SLIT3: variants seen among roughly 807,000 people sequenced by gnomAD.
SLIT3 encodes the protein slit guidance ligand 3, also known as slit homolog 3 protein.
In SLIT3, 68 loss-of-function variants were observed where a neutral mutation model predicts 184.0. That is an observed-to-expected ratio of 0.37 (90% confidence interval 0.30 to 0.45). The LOEUF (loss-of-function observed/expected upper bound fraction) is 0.45. Among genes scored for constraint, SLIT3 ranks in the 20% least tolerant of loss-of-function variants. The pLI is 1.00. For missense variants in SLIT3, 1,707 were observed against 2,026.0 expected (o/e 0.84, Z 3.02); for synonymous variants, 831 against 828.6 (o/e 1.00, Z -0.05).
intron 1 of SLIT3, among the ~76,000 whole-genome samples, chr5:169,278,305 A>T (rs906124067): frequency 2.6e-5 from 4 of 152,212 alleles, no homozygotes; most frequent in Non-Finnish European, 5.9e-5. Context: ...TAGAATCAGG[A>T]AGCCCACTTG....
intron 3 of SLIT3, among the ~76,000 whole-genome samples, chr5:169,222,336 T>C (rs1186496268): frequency 6.6e-6 from 1 of 152,176 alleles, no homozygotes; most frequent in Non-Finnish European, 1.5e-5. Flanking sequence ...GAAAATACTA[T>C]GCTGGCTACA....
chr5:169,257,634 C>T (rs1766017293), intron 1 of SLIT3, among the ~76,000 whole-genome samples: 1 of 144,148 alleles, frequency 6.9e-6, no homozygotes, highest in Non-Finnish European at 1.5e-5. Context: ...GCAACCTCCG[C>T]TTCCTGGGTT....
At chr5:168,706,806 G>A (rs1237000536) in intron 26 of SLIT3, 1 of 152,160 alleles carries the variant, frequency 6.6e-6, no homozygotes, top group Non-Finnish European at 1.5e-5. Flanking sequence ...AATACATCAG[G>A]TAGTCCCATT....
At chr5:168,804,247 T>C (rs1297476203) in intron 9 of SLIT3, among the ~76,000 whole-genome samples, 1 of 134,050 alleles carries the variant, frequency 7.5e-6, no homozygotes, top group African/African-American at 2.9e-5. Flanking sequence ...GAGGCAGAGG[T>C]TGCAGTGAGC....
At chr5:168,964,067 C>T (rs1680802646) in intron 4 of SLIT3, among the ~76,000 whole-genome samples, 1 of 152,126 alleles carries the variant, frequency 6.6e-6, no homozygotes, top group Non-Finnish European at 1.5e-5. Flanking sequence ...ATGCAGGGGG[C>T]TACATAAAAG....
intron 7 of SLIT3, among the ~76,000 whole-genome samples, chr5:168,822,584 G>C (rs1192437103): frequency 6.6e-6 from 1 of 152,084 alleles, no homozygotes; most frequent in Non-Finnish European, 1.5e-5. Flanking sequence ...GAGCAGAGGG[G>C]AACTCCCCAG....
chr5:169,045,134 T>C (rs1387767946), intron 4 of SLIT3, among the ~76,000 whole-genome samples: 2 of 152,144 alleles, frequency 1.3e-5, no homozygotes, highest in Non-Finnish European at 2.9e-5. Flanking sequence ...TTCAGACCAC[T>C]TGTGACAGCA....
chr5:168,836,141 A>T (rs949354742), intron 6 of SLIT3, among the ~76,000 whole-genome samples: 1 of 152,162 alleles, frequency 6.6e-6, no homozygotes, highest in African/African-American at 2.4e-5. Flanking sequence ...TTGACTTTCA[A>T]GACTCAGGTC....
rs192576514 is a variant in SLIT3 at position 168,815,252 on chromosome 5, T to C, written c.793+2048A>G. On this transcript the variant is annotated intron_variant, in intron 8 of 35. Transcript: ENST00000519560. Reference sequence around the variant, plus strand: ...AAGGAGAAAGAGTGAGGCATTCAGATTTAATGGACTTTGGAGGGTCAGCCT... The same window carrying C: ...AAGGAGAAAGAGTGAGGCATTCAGACTTAATGGACTTTGGAGGGTCAGCCT... 3.1e-3 allele frequency among the ~76,000 whole-genome samples: 477 copies of C among 152,290 alleles called. 4 individuals carry two copies. The highest frequency in any genetic ancestry group is 9.9e-3 in the African/African-American group (413 of 41,550).
intron 4 of SLIT3, among the ~76,000 whole-genome samples, chr5:169,171,187 T>G (rs1762806725): frequency 6.6e-6 from 1 of 152,194 alleles, no homozygotes; most frequent in Admixed American, 6.5e-5. Context: ...TCTTGAGGGT[T>G]AGATAACATA....
intron 4 of SLIT3, among the ~76,000 whole-genome samples, chr5:169,052,066 C>G (rs187192389): frequency 6.0e-5 from 9 of 150,494 alleles, no homozygotes; most frequent in African/African-American, 1.7e-4. Context: ...AAGATGCCCC[C>G]CTCCAGCCAG....
intron 33 of SLIT3, among the ~76,000 whole-genome samples, chr5:168,672,028 C>T (rs1167784857): frequency 6.6e-6 from 1 of 152,220 alleles, no homozygotes; most frequent in Non-Finnish European, 1.5e-5. Flanking sequence ...CCCCTCTTCT[C>T]AGGATCTTCA....
At position 168,774,255 on chromosome 5, in the gene SLIT3, A is replaced by C; in HGVS notation, c.1275T>G (p.Pro425=). Residue 425 remains proline, a synonymous_variant, in exon 13 of 36, where the codon CCT becomes CCG. Coordinates refer to ENST00000519560, the MANE Select transcript of SLIT3 (RefSeq NM_003062.4). ...CTCACAGTGTCTGGATGGACTGCAG[A>C]GGGGCGAAGAGCCCCTTGCTGATGG... is the stretch of plus-strand genomic sequence containing the variant. The part of the protein sequence containing the change: ...LQTISKGLFA[P]LQSIQTLHLA... 1.9e-6 allele frequency: 3 copies of C among 1,613,148 alleles called. No individual in the cohort carries two copies. Among genetic ancestry groups the C allele is most frequent in the Non-Finnish European group, 2.5e-6 (3 of 1,179,566 alleles).
chr5:169,115,849 G>A (rs574071296), intron 4 of SLIT3, among the ~76,000 whole-genome samples: 33 of 152,302 alleles, frequency 2.2e-4, no homozygotes, highest in African/African-American at 2.9e-4. Context: ...CACTTGAGCC[G>A]GTGCTCCTGA....
chr5:168,958,694 C>G (rs1388278129), intron 4 of SLIT3, among the ~76,000 whole-genome samples: 1 of 152,164 alleles, frequency 6.6e-6, no homozygotes, highest in Non-Finnish European at 1.5e-5. Flanking sequence ...ACTTTTCCCC[C>G]TAGAGAGAGA....
At chr5:168,850,901 G>A (rs1561967630) in intron 5 of SLIT3, among the ~76,000 whole-genome samples, 1 of 152,314 alleles carries the variant, frequency 6.6e-6, no homozygotes, top group East Asian at 1.9e-4. Context: ...ATAAAGAGGT[G>A]TTTTACACAT....
At chr5:168,957,832 C>T (rs886389169) in intron 4 of SLIT3, among the ~76,000 whole-genome samples, 2 of 152,194 alleles carry the variant, frequency 1.3e-5, no homozygotes, top group South Asian at 2.1e-4. Flanking sequence ...ACTTACTCAC[C>T]GCATGACCTT....
chr5:168,712,219 T>C (rs1047254948), intron 24 of SLIT3, 64 bp downstream of exon 24: 1 of 1,410,016 alleles, frequency 7.1e-7, no homozygotes, highest in African/African-American at 1.4e-5. Context: ...GTGATGACAT[T>C]GTCGCTGACA....
intron 6 of SLIT3, among the ~76,000 whole-genome samples, chr5:168,832,414 T>C (rs538970860): frequency 2.6e-4 from 39 of 152,364 alleles, no homozygotes; most frequent in Admixed American, 1.7e-3. Flanking sequence ...GTCTGTTTCA[T>C]GTAGTTACGT....
Sources: allele counts gnomAD v4.1 joint callset (sites outside exome capture counted in the v4.1 genomes callset), GRCh38; gene constraint gnomAD v4.1.1; transcripts MANE v1.5; gene names NCBI Gene and HGNC (gene_info 2026-07-23, HGNC 2026-07-21).